NEGR1: variants seen among roughly 807,000 people sequenced by gnomAD.
The protein encoded by NEGR1 is IgLON family member 4.
Under a neutral mutation model 40.9 loss-of-function variants are expected in NEGR1, and 10 were observed. The ratio of observed to expected loss-of-function variants is 0.24; its 90% CI spans 0.15 to 0.42. The LOEUF (loss-of-function observed/expected upper bound fraction) is 0.42, where lower values mean the gene tolerates loss of function less well. Ranked by LOEUF, NEGR1 falls within the 10% of genes least tolerant of loss-of-function variation. The pLI is 1.00. For synonymous variants in NEGR1, 185 were observed against 166.8 expected (o/e 1.11, Z -0.84); for missense variants, 352 against 438.9 (o/e 0.80, Z 1.77).
chr1:71,768,564 G>A (rs1229471059), intron 3 of NEGR1, among the ~76,000 whole-genome samples: 1 of 152,172 alleles, frequency 6.6e-6, no homozygotes, highest in Non-Finnish European at 1.5e-5. Flanking sequence ...AGGAAGAAGG[G>A]ACTTGTCTTG....
chr1:71,501,070 C>T (rs1483848654), intron 6 of NEGR1, among the ~76,000 whole-genome samples: 4 of 151,912 alleles, frequency 2.6e-5, no homozygotes, highest in Non-Finnish European at 5.9e-5. Context: ...TCTTATTCCA[C>T]AATAAGATTG....
intron 6 of NEGR1, chr1:71,489,672 CT>C (rs1361083796): frequency 6.6e-6 from 1 of 151,380 alleles, no homozygotes; most frequent in South Asian, 2.1e-4. Context: ...GAGCTTTTTT[CT>C]TTTTTCTTTT....
rs1557613892 is a variant in NEGR1 at position 71,688,419 on chromosome 1, G to GATATATATAAAAGAT, written c.667+9588_667+9589insATCTTTTATATATAT. ...ATATATATATAAGATATATATAAAA[G>GATATATATAAAAGAT]ATATATATATAAAAGATATATATAT... On this transcript the variant is annotated intron_variant, in intron 4 of 6. Coordinates refer to ENST00000357731, the MANE Select transcript of NEGR1 (RefSeq NM_173808.3). Among the ~76,000 whole-genome samples, 40 of 4,934 alleles carry GATATATATAAAAGAT rather than the reference G, an allele frequency of 8.1e-3. 1 individual carries two copies. The highest frequency in any genetic ancestry group is 0.018 in the African/African-American group (33 of 1,818). The allele number at this position is 4,934 out of a possible 152,430, so 3.2% of individuals were successfully genotyped here.
intron 6 of NEGR1, among the ~76,000 whole-genome samples, chr1:71,572,417 C>G (rs1355255511): frequency 6.6e-6 from 1 of 152,186 alleles, no homozygotes; most frequent in East Asian, 1.9e-4. Flanking sequence ...TGAGCACAAA[C>G]TCTTAACACA....
At chr1:71,509,807 T>G (rs1382026866) in intron 6 of NEGR1, among the ~76,000 whole-genome samples, 1 of 152,188 alleles carries the variant, frequency 6.6e-6, no homozygotes, top group African/African-American at 2.4e-5. Flanking sequence ...ATTAACTACA[T>G]CTATTATAAT....
chr1:71,859,599 G>A (rs371463310), intron 2 of NEGR1, among the ~76,000 whole-genome samples: 18 of 151,954 alleles, frequency 1.2e-4, no homozygotes, highest in East Asian at 7.8e-4. Flanking sequence ...ACTGCGTTCC[G>A]ATAAAAATGT....
intron 4 of NEGR1, among the ~76,000 whole-genome samples, chr1:71,678,205 G>C (rs901596591): frequency 6.6e-6 from 1 of 152,106 alleles, no homozygotes; most frequent in Non-Finnish European, 1.5e-5. Context: ...GAAGCTCATT[G>C]TTTGTGTCTA....
intron 1 of NEGR1, among the ~76,000 whole-genome samples, chr1:72,139,179 G>A (rs1316118437): frequency 1.3e-5 from 2 of 150,564 alleles, no homozygotes; most frequent in Non-Finnish European, 3.0e-5. Flanking sequence ...TAGCATTAAT[G>A]GCCTAGATTA....
chr1:72,207,892 G>A (rs1653467502), intron 1 of NEGR1, among the ~76,000 whole-genome samples: 1 of 151,652 alleles, frequency 6.6e-6, no homozygotes, highest in South Asian at 2.1e-4. Flanking sequence ...GTACAAAAAA[G>A]AGCAATTTGA....
At chr1:71,830,407 C>CAT (rs1307006919) in intron 2 of NEGR1, among the ~76,000 whole-genome samples, 3 of 151,662 alleles carry the variant, frequency 2.0e-5, no homozygotes, top group African/African-American at 7.3e-5. Context: ...AAAAACCAGT[C>CAT]ATAGGCAATA....
At chr1:71,885,982 T>C (rs1276333682) in intron 2 of NEGR1, among the ~76,000 whole-genome samples, 2 of 152,220 alleles carry the variant, frequency 1.3e-5, no homozygotes, top group African/African-American at 4.8e-5. Flanking sequence ...AAAAGTGTTA[T>C]ACTTAGGTAA....
At chr1:72,056,446 T>C (rs1476926807) in intron 1 of NEGR1, among the ~76,000 whole-genome samples, 1 of 151,456 alleles carries the variant, frequency 6.6e-6, no homozygotes, top group African/African-American at 2.4e-5. Flanking sequence ...AATAGCTTTT[T>C]CTTCTAAACT....
intron 1 of NEGR1, among the ~76,000 whole-genome samples, chr1:72,224,981 C>T (rs942103501): frequency 3.9e-5 from 6 of 152,128 alleles, no homozygotes; most frequent in African/African-American, 1.4e-4. Context: ...GTATTTTGGA[C>T]TTTCCTAATA....
chr1:71,805,314 A>G lies in NEGR1; in HGVS notation c.410-29017T>C, dbSNP rs564072725. ...GAAGCATGTGATCTCTGTGACCTAC[A>G]TCCTATTTGTACACTCCCTCCCCTT... On this transcript the variant is annotated intron_variant, in intron 2 of 6. Coordinates refer to ENST00000357731, the MANE Select transcript of NEGR1 (RefSeq NM_173808.3). Among the ~76,000 whole-genome samples, 6 of 152,196 alleles carry G rather than the reference A, an allele frequency of 3.9e-5. No homozygotes were observed. In the East Asian group the frequency reaches 9.7e-4, roughly 24 times the overall value.
intron 1 of NEGR1, among the ~76,000 whole-genome samples, chr1:72,006,487 C>G (rs1279218563): frequency 6.6e-6 from 1 of 152,152 alleles, no homozygotes; most frequent in African/African-American, 2.4e-5. Flanking sequence ...GTCCTGCTCA[C>G]ATTTTCTCAT....
intron 6 of NEGR1, among the ~76,000 whole-genome samples, chr1:71,568,956 C>T (rs1253323539): frequency 4.7e-5 from 7 of 148,206 alleles, no homozygotes; most frequent in African/African-American, 1.2e-4. Context: ...CTCGCTTCAT[C>T]GCCAGGCAGG....
rs1380927454 is a variant in NEGR1 at position 71,402,432 on chromosome 1, G to A, written c.*5014C>T. The A allele has an allele frequency of 6.6e-6, 1 of 152,274 alleles. No individual in the cohort carries two copies. The highest frequency in any genetic ancestry group is 6.5e-5 in the Admixed American group (1 of 15,286). The allele number at this position is 152,274 out of a possible 1,614,324, so 9.4% of individuals were successfully genotyped here. ...CTGGGAGAGATTGGTCTAGCTTTAG[G>A]ATGACTGTGGGTAGAGCTTCTAGGG... is the stretch of plus-strand genomic sequence containing the variant. On this transcript the variant is annotated 3_prime_UTR_variant, in exon 7 of 7. Coordinates refer to ENST00000357731, the MANE Select transcript of NEGR1 (RefSeq NM_173808.3).
intron 4 of NEGR1, among the ~76,000 whole-genome samples, chr1:71,622,544 A>G (rs748514234): frequency 6.6e-6 from 1 of 152,030 alleles, no homozygotes; most frequent in East Asian, 1.9e-4. Flanking sequence ...TTTGTAATTT[A>G]TTAATGAAAA....
intron 2 of NEGR1, among the ~76,000 whole-genome samples, chr1:71,904,335 C>G (rs1350693340): frequency 6.6e-6 from 1 of 152,060 alleles, no homozygotes; most frequent in African/African-American, 2.4e-5. Flanking sequence ...CAATTCCGCA[C>G]AAGTGGACAT....
Sources: allele counts gnomAD v4.1 joint callset (sites outside exome capture counted in the v4.1 genomes callset), GRCh38; gene constraint gnomAD v4.1.1; transcripts MANE v1.5; gene names NCBI Gene and HGNC (gene_info 2026-07-23, HGNC 2026-07-21).